Variants in MSMO1 observed in about 807,000 individuals in gnomAD.
The protein encoded by MSMO1 is C-4 methylsterol oxidase.
MSMO1 carries 18 observed loss-of-function variants against 30.4 expected under a neutral mutation model. The ratio of observed to expected loss-of-function variants is 0.59; its 90% CI spans 0.41 to 0.88. The LOEUF (loss-of-function observed/expected upper bound fraction) is 0.88, where lower values mean the gene tolerates loss of function less well. Ranked by LOEUF, MSMO1 falls within the 40% of genes least tolerant of loss-of-function variation. The pLI is 0.00. For missense variants in MSMO1, 284 were observed against 340.5 expected, an observed-to-expected ratio of 0.83 and a Z score of 1.31; for synonymous variants, 84 against 107.9, an observed-to-expected ratio of 0.78 and a Z score of 1.37.
chr4:165,330,819 A>G (rs139074697), intron 1 of MSMO1, among the ~76,000 whole-genome samples: 1 of 152,206 alleles, frequency 6.6e-6, no homozygotes, highest in Non-Finnish European at 1.5e-5. Flanking sequence ...TGAACTCCTG[A>G]CCTTAGGTGA....
intron 1 of MSMO1, among the ~76,000 whole-genome samples, chr4:165,329,746 T>C (rs1300399352): frequency 6.7e-6 from 1 of 148,706 alleles, no homozygotes; most frequent in African/African-American, 2.5e-5. Flanking sequence ...GCAATTCTCC[T>C]GCCTCAGCCT....
chr4:165,338,814 G>C, intron 4 of MSMO1, 36 bp downstream of exon 4: 3 of 1,526,366 alleles, frequency 2.0e-6, no homozygotes, highest in Non-Finnish European at 2.7e-6. Flanking sequence ...TTCTGTTAGA[G>C]GCAAAATGTC....
chr4:165,337,820 A>G lies in MSMO1; in HGVS notation c.287A>G (p.Lys96Arg). The G allele has an allele frequency of 6.2e-7, 1 of 1,613,686 alleles. No homozygotes were observed. The highest frequency in any genetic ancestry group is 8.5e-7 in the Non-Finnish European group (1 of 1,179,766). ...CCAGAGACATGGGAAAACCAATGGAAGTGTTTCAAAGTTCTTCTCTTTAAT... is the reference window on the plus strand; with the variant it reads ...CCAGAGACATGGGAAAACCAATGGAGGTGTTTCAAAGTTCTTCTCTTTAAT... The part of the protein sequence containing the change: ...DKPETWENQW[K>R]CFKVLLFNHF... Residue 96 changes from lysine to arginine, a missense_variant, in exon 3 of 6, where the codon AAG becomes AGG. Physicochemically the swap from Lys to Arg is conservative, Grantham distance 26. Transcript: ENST00000261507.
chr4:165,331,246 A>G (rs1012652508), intron 1 of MSMO1, among the ~76,000 whole-genome samples: 1 of 151,864 alleles, frequency 6.6e-6, no homozygotes, highest in African/African-American at 2.4e-5. Context: ...CGAGGCTGCA[A>G]TGAGCCATAA....
Position 165,341,806 on chromosome 4 carries a change from C to G in MSMO1, c.742C>G (p.Arg248Gly), listed in dbSNP as rs754262741. Residue 248 changes from arginine to glycine, a missense_variant, in exon 6 of 6, where the codon CGG (arginine) becomes GGG (glycine). Physicochemically the swap from Arg to Gly is moderately radical, Grantham distance 125. Transcript: ENST00000261507. ...TCTGATCCCTTTCTATGCTGGTTCT[C>G]GGCATCATGATTTCCACCACATGAA... ...LNLIPFYAGS[R>G]HHDFHHMNFI... 1 of 1,613,554 alleles carries G rather than the reference C, an allele frequency of 6.2e-7. No homozygotes were observed. Among genetic ancestry groups the G allele is most frequent in the Non-Finnish European group, 8.5e-7 (1 of 1,179,718 alleles).
At chr4:165,328,296 G>A (rs1448009805) in intron 1 of MSMO1, among the ~76,000 whole-genome samples, 1 of 152,202 alleles carries the variant, frequency 6.6e-6, no homozygotes, top group Non-Finnish European at 1.5e-5. Flanking sequence ...CTGCAAAAAT[G>A]TGAAGTGTAG....
In MSMO1 at chr4:165,337,829, A is replaced by C; in HGVS notation, c.296A>C (p.Lys99Thr). ...TGGGAAAACCAATGGAAGTGTTTCA[A>C]AGTTCTTCTCTTTAATCACTTCTGT... ...ETWENQWKCF[K>T]VLLFNHFCIQ... Residue 99 changes from lysine (K) to threonine (T), a missense_variant, in exon 3 of 6, where the codon AAA becomes ACA. By Grantham distance (78) the Lys-to-Thr change is moderately conservative. Transcript: ENST00000261507. 2 of 1,613,674 alleles carry C rather than the reference A, an allele frequency of 1.2e-6. No homozygotes were observed. Among genetic ancestry groups the C allele is most frequent in the Non-Finnish European group, 1.7e-6 (2 of 1,179,768 alleles).
rs1747735418 is a variant in MSMO1 at position 165,342,259 on chromosome 4, A to G, written c.*313A>G. 4.0e-6 allele frequency: 1 copy of G among 251,962 alleles called. No individual in the cohort carries two copies. The highest frequency in any genetic ancestry group is 5.3e-5 in the South Asian group (1 of 18,834). 15.6% of individuals were successfully genotyped at this position (251,962 alleles called of 1,614,324 possible). ...AATCTATGGCTTTTCTCCCAGTAAA[A>G]CCATAGGCCTGAAGTTCACATTGGG... is the stretch of plus-strand genomic sequence containing the variant. On this transcript the variant is annotated 3_prime_UTR_variant, in exon 6 of 6. Transcript: ENST00000261507.
At chr4:165,332,362 A>G (rs1992185) in intron 1 of MSMO1, among the ~76,000 whole-genome samples, 7,283 of 152,244 alleles carry the variant, frequency 0.048, 558 homozygotes, top group African/African-American at 0.16. Context: ...ATAATTGTCT[A>G]TGGAAGGACT....
At chr4:165,337,322 A>G (rs145705619) in intron 2 of MSMO1, among the ~76,000 whole-genome samples, 1 of 152,200 alleles carries the variant, frequency 6.6e-6, no homozygotes, top group African/African-American at 2.4e-5. Context: ...TAATTCTGTC[A>G]TTGGATTTGA....
At chr4:165,330,470 T>TG (rs146177798) in intron 1 of MSMO1, among the ~76,000 whole-genome samples, 2,933 of 152,344 alleles carry the variant, frequency 0.019, 84 homozygotes, top group African/African-American at 0.064. Flanking sequence ...TTTTAATTTT[T>TG]GCTGCTGATA....
intron 4 of MSMO1, among the ~76,000 whole-genome samples, chr4:165,339,305 T>C (rs1579218324): frequency 6.6e-6 from 1 of 151,854 alleles, no homozygotes; most frequent in African/African-American, 2.4e-5. Flanking sequence ...GATTTCACTA[T>C]GTTGGTCAGG....
At chr4:165,336,235 T>A (rs1579215591) in intron 2 of MSMO1, among the ~76,000 whole-genome samples, 3 of 146,870 alleles carry the variant, frequency 2.0e-5, no homozygotes, top group African/African-American at 2.5e-5. Context: ...TCTATTTCTT[T>A]AAAAAAAAAA....
intron 3 of MSMO1, among the ~76,000 whole-genome samples, chr4:165,338,430 T>C (rs1382451289): frequency 6.6e-6 from 1 of 151,898 alleles, no homozygotes; most frequent in East Asian, 1.9e-4. Flanking sequence ...AACATTGTAA[T>C]GAAATGAAAT....
rs375843180 is a variant in MSMO1 at position 165,337,009 on chromosome 4, T to C, written c.256-780T>C. 9.9e-5 allele frequency among the ~76,000 whole-genome samples: 15 copies of C among 152,168 alleles called. 2 individuals are homozygous for C. Among genetic ancestry groups the C allele is most frequent in the Admixed American group, 3.9e-4 (6 of 15,304 alleles). On this transcript the variant is annotated intron_variant, in intron 2 of 5. Transcript: ENST00000261507. ...TATCGTGGTTCAATTAAAAGAGTTTTGTTGGCGGATACCTGAATTTTTCAG... is the reference window on the plus strand; with the variant it reads ...TATCGTGGTTCAATTAAAAGAGTTTCGTTGGCGGATACCTGAATTTTTCAG...
Position 165,342,090 on chromosome 4 carries a change from C to A in MSMO1, c.*144C>A. ...AACATTAACAACCTTTAATTACCTT[C>A]CTAGTGGGAACTTTTTCTACTTTAC... On this transcript the variant is annotated 3_prime_UTR_variant, in exon 6 of 6. Transcript: ENST00000261507. 1 of 682,118 alleles carries A rather than the reference C, an allele frequency of 1.5e-6. No individual in the cohort carries two copies. The highest frequency in any genetic ancestry group is 2.5e-6 in the Non-Finnish European group (1 of 403,874). 42.3% of individuals were successfully genotyped at this position (682,118 alleles called of 1,614,324 possible).
At chr4:165,331,150 A>T (rs143974469) in intron 1 of MSMO1, among the ~76,000 whole-genome samples, 2,357 of 151,988 alleles carry the variant, frequency 0.016, 52 homozygotes, top group African/African-American at 0.053. Context: ...ACAAAAAATT[A>T]AAAAAATTAG....
rs371391913 is a variant in MSMO1 at position 165,337,522 on chromosome 4, A to C, written c.256-267A>C. ...AGAAGTGAAGTGAATGATCTGTGGC[A>C]GCAAAGACTGGAGAATTATTCATTC... On this transcript the variant is annotated intron_variant, in intron 2 of 5. Transcript: ENST00000261507. Among the ~76,000 whole-genome samples the C allele has an allele frequency of 5.3e-5, 8 of 152,354 alleles. No individual in the cohort carries two copies. In the East Asian group the frequency reaches 1.4e-3, roughly 26 times the overall value.
intron 4 of MSMO1, among the ~76,000 whole-genome samples, chr4:165,339,481 C>T (rs1359016787): frequency 6.6e-6 from 1 of 152,030 alleles, no homozygotes; most frequent in Non-Finnish European, 1.5e-5. Context: ...ACATGGTGTG[C>T]CAAATCAAGC....
Sources: allele counts gnomAD v4.1 joint callset (sites outside exome capture counted in the v4.1 genomes callset), GRCh38; gene constraint gnomAD v4.1.1; transcripts MANE v1.5; gene names NCBI Gene and HGNC (gene_info 2026-07-23, HGNC 2026-07-21).